Variants in SECISBP2 observed in about 807,000 individuals in gnomAD.
SECISBP2 encodes SECIS binding protein 2.
In SECISBP2, 96 loss-of-function variants were observed where a neutral mutation model predicts 98.2. That is an observed-to-expected ratio of 0.98 (90% confidence interval 0.83 to 1.16). The LOEUF (loss-of-function observed/expected upper bound fraction) is 1.16, where lower values mean the gene tolerates loss of function less well. Among genes scored for constraint, SECISBP2 ranks in the 50% most tolerant of loss-of-function variants. SECISBP2 has a pLI of 0.00. For synonymous variants in SECISBP2, 407 were observed against 370.2 expected, an observed-to-expected ratio of 1.10 and a Z score of -1.14; for missense variants, 1,046 against 1,022.9, an observed-to-expected ratio of 1.02 and a Z score of -0.31.
downstream of SECISBP2, among the ~76,000 whole-genome samples, chr9:89,360,233 T>C (rs7469894): frequency 0.012 from 1,891 of 152,242 alleles, 41 homozygotes; most frequent in African/African-American, 0.043. Context: ...TCTCCACCCA[T>C]TTATCTTTCA....
At chr9:89,348,519 G>A (rs542193917) in intron 12 of SECISBP2, among the ~76,000 whole-genome samples, 4 of 152,346 alleles carry the variant, frequency 2.6e-5, no homozygotes, top group Admixed American at 6.5e-5. Flanking sequence ...AATTAACACC[G>A]CTAGCTGCAC....
At chr9:89,324,967 CCT>C (rs1360481722) in intron 2 of SECISBP2, 2 of 226,860 alleles carry the variant, frequency 8.8e-6, no homozygotes, top group East Asian at 2.5e-4. Flanking sequence ...GCGCTCTGAC[CCT>C]GTTAGTCAGC....
At chr9:89,333,990 G>A in intron 6 of SECISBP2, 1 of 1,026,732 alleles carries the variant, frequency 9.7e-7, no homozygotes. Context: ...ACCTGCCTGT[G>A]TCCTGATAGA....
At chr9:89,330,805 T>G (rs1411332278) in intron 5 of SECISBP2, among the ~76,000 whole-genome samples, 1 of 152,168 alleles carries the variant, frequency 6.6e-6, no homozygotes, top group Non-Finnish European at 1.5e-5. Flanking sequence ...CTCTCATGAG[T>G]GCCCTGCAGA....
At chr9:89,345,368 C>T (rs1204186854) in intron 10 of SECISBP2, among the ~76,000 whole-genome samples, 3 of 152,232 alleles carry the variant, frequency 2.0e-5, no homozygotes, top group Admixed American at 2.0e-4. Flanking sequence ...TGCTGGTTTT[C>T]ATAGCCTTGG....
chr9:89,366,366 AT>A, the SECISBP2 span, among the ~76,000 whole-genome samples: 1 of 152,166 alleles, frequency 6.6e-6, no homozygotes, highest in African/African-American at 2.4e-5. Flanking sequence ...TATAATAATA[AT>A]TTTTTATAAA....
chr9:89,322,110 C>T (rs1166751819), intron 2 of SECISBP2: 1 of 152,194 alleles, frequency 6.6e-6, no homozygotes, highest in South Asian at 2.1e-4. Context: ...CAAAGATGCT[C>T]ATTTATTCAT....
At chr9:89,357,618 G>A in intron 15 of SECISBP2, 53 bp downstream of exon 15, 1 of 1,608,870 alleles carries the variant, frequency 6.2e-7, no homozygotes, top group South Asian at 1.1e-5. Context: ...GAGGAAGTGG[G>A]GGCAGGTGGT....
chr9:89,339,349 A>T (rs1587934875), intron 8 of SECISBP2, among the ~76,000 whole-genome samples: 2 of 152,254 alleles, frequency 1.3e-5, no homozygotes, highest in African/African-American at 4.8e-5. Flanking sequence ...TGGTTTAGAC[A>T]AGTGAATAAT....
At chr9:89,357,851 C>CA (rs1832334105) in intron 15 of SECISBP2, 148 bp from the exon 16 acceptor site, 2 of 958,966 alleles carry the variant, frequency 2.1e-6, no homozygotes, top group Non-Finnish European at 3.3e-6. Flanking sequence ...TCCTCTGGGG[C>CA]AGCATCCCTG....
intron 4 of SECISBP2, 23 bp downstream of exon 4, chr9:89,326,061 T>C (rs766844319): frequency 9.3e-6 from 15 of 1,607,724 alleles, no homozygotes; most frequent in Admixed American, 1.7e-5. Flanking sequence ...AACAATGTAG[T>C]ATAATGCGAG....
Position 89,348,219 on chromosome 9 carries a change from C to A in SECISBP2, c.1738+5C>A, listed in dbSNP as rs761360924. The A allele has an allele frequency of 1.2e-6, 2 of 1,613,814 alleles. No homozygotes were observed. The highest frequency in any genetic ancestry group is 1.7e-6 in the Non-Finnish European group (2 of 1,179,948). On this transcript the variant is annotated splice_donor_5th_base_variant and intron_variant, in intron 12 of 16. Coordinates refer to ENST00000375807, the MANE Select transcript of SECISBP2 (RefSeq NM_024077.5). ...CCGAGCAGGCAGAGCTGTCAGGTAC[C>A]AACTTCTCTTTGTGCCTTAAGAATA... is the stretch of plus-strand genomic sequence containing the variant.
intron 10 of SECISBP2, among the ~76,000 whole-genome samples, chr9:89,345,501 G>T (rs1830291136): frequency 6.6e-6 from 1 of 152,190 alleles, no homozygotes; most frequent in East Asian, 1.9e-4. Flanking sequence ...GCACTCTTCG[G>T]TTTGTTGGAA....
chr9:89,339,955 T>TA lies in SECISBP2; in HGVS notation c.1302+4dup. 6.2e-7 allele frequency: 1 copy of TA among 1,605,748 alleles called. No homozygotes were observed. Among genetic ancestry groups the TA allele is most frequent in the Non-Finnish European group, 8.5e-7 (1 of 1,172,896 alleles). On this transcript the variant is annotated splice_region_variant and intron_variant, in intron 9 of 16. Transcript: ENST00000375807. Reference sequence around the variant, plus strand: ...TTTCAATCTAAGCAGCAGCCACAGGTAATTTTTAGATTGAAACCACAAATT... The same window carrying TA: ...TTTCAATCTAAGCAGCAGCCACAGGTAAATTTTTAGATTGAAACCACAAATT...
In SECISBP2 at chr9:89,345,053, A is replaced by G. The variant is rs567066388; in HGVS notation, c.1436-1829A>G. ...TAGTGACACAAGCAATACTAGCAAC[A>G]AATTCTCATGGTCTTTGTCTGGAAT... On this transcript the variant is annotated intron_variant, in intron 10 of 16. Transcript: ENST00000375807. 2.0e-5 allele frequency among the ~76,000 whole-genome samples: 3 copies of G among 152,346 alleles called. No homozygotes were observed. The East Asian group carries it at 5.8e-4, about 29-fold the overall frequency.
chr9:89,339,965 AT>A lies in SECISBP2; in HGVS notation c.1302+14del. ...AGCAGCAGCCACAGGTAATTTTTAGATTGAAACCACAAATTGCTTTAGGCTT... is the reference window on the plus strand; with the variant it reads ...AGCAGCAGCCACAGGTAATTTTTAGATGAAACCACAAATTGCTTTAGGCTT... On this transcript the variant is annotated intron_variant, in intron 9 of 16. Transcript: ENST00000375807. 6.3e-7 allele frequency: 1 copy of A among 1,580,534 alleles called. No individual in the cohort carries two copies.
intron 7 of SECISBP2, among the ~76,000 whole-genome samples, chr9:89,336,436 A>G (rs1351792454): frequency 2.0e-5 from 3 of 151,886 alleles, no homozygotes; most frequent in Admixed American, 6.6e-5. Flanking sequence ...ATACGGATAT[A>G]TTATGTTAGC....
At chr9:89,329,314 C>T (rs944752355) in intron 5 of SECISBP2, 5 of 201,292 alleles carry the variant, frequency 2.5e-5, no homozygotes, top group Non-Finnish European at 4.1e-5. Flanking sequence ...CGGGATTTCA[C>T]CATGTTGCCC....
chr9:89,338,591 A>G lies in SECISBP2; in HGVS notation c.1212+11A>G, dbSNP rs1564383208. 6.2e-7 allele frequency: 1 copy of G among 1,610,804 alleles called. No individual in the cohort carries two copies. Among genetic ancestry groups the G allele is most frequent in the Non-Finnish European group, 8.5e-7 (1 of 1,179,080 alleles). ...CCTCCAAGGATTGAAGTACATTTAT[A>G]TTTTTTATTCACATGGTGTGATATA... On this transcript the variant is annotated intron_variant, in intron 8 of 16. Coordinates refer to ENST00000375807, the MANE Select transcript of SECISBP2 (RefSeq NM_024077.5).
Sources: gnomAD v4.1 joint callset for allele counts (sites outside exome capture counted in the v4.1 genomes callset) on GRCh38, gnomAD v4.1.1 for gene constraint, MANE v1.5 for transcripts, NCBI Gene and HGNC (gene_info 2026-07-23, HGNC 2026-07-21) for gene names.